The following FANCL variants were observed in gnomAD, a reference collection of about 807,000 sequenced individuals.
FANCL encodes the protein E3 ubiquitin-protein ligase FANCL.
A neutral mutation model predicts 59.4 loss-of-function variants in FANCL; 69 were observed. The observed-to-expected ratio is 1.16, with a 90% CI of 0.96 to 1.42. The LOEUF is 1.42. Among genes scored for constraint, FANCL ranks in the 40% most tolerant of loss-of-function variants. The pLI, the probability that FANCL is intolerant of heterozygous loss-of-function variation, is 0.00. For missense variants in FANCL, 519 were observed against 447.2 expected (o/e 1.16, Z -1.45); for synonymous variants, 180 against 147.1 (o/e 1.22, Z -1.62).
At chr2:58,162,808 G>C (rs764085319) in intron 11 of FANCL, 58 bp downstream of exon 11, 1 of 1,385,792 alleles carries the variant, frequency 7.2e-7, no homozygotes, top group Non-Finnish European at 1.0e-6. Context: ...ACTGAGAGAA[G>C]CATTTAAACT....
At chr2:58,219,862 C>A (rs1469887531) in intron 5 of FANCL, among the ~76,000 whole-genome samples, 1 of 152,116 alleles carries the variant, frequency 6.6e-6, no homozygotes, top group Admixed American at 6.5e-5. Context: ...AATAAAACTT[C>A]TTTCATGGCT....
At chr2:58,197,851 G>T (rs1464019990) in intron 7 of FANCL, among the ~76,000 whole-genome samples, 1 of 152,154 alleles carries the variant, frequency 6.6e-6, no homozygotes, top group Non-Finnish European at 1.5e-5. Flanking sequence ...AGGATTCTCT[G>T]ATATTATGTA....
intron 7 of FANCL, among the ~76,000 whole-genome samples, chr2:58,179,997 A>T (rs1243550863): frequency 5.9e-5 from 9 of 152,236 alleles, no homozygotes; most frequent in Admixed American, 3.9e-4. Flanking sequence ...GTCATTAGAA[A>T]AATGCAAATC....
At chr2:58,215,704 C>CA (rs11427269) in intron 5 of FANCL, among the ~76,000 whole-genome samples, 23,181 of 106,402 alleles carry the variant, frequency 0.22, 2,545 homozygotes, top group African/African-American at 0.37. Context: ...TATTAAGTGG[C>CA]AAAAAAAAAA....
chr2:58,185,909 A>C (rs1480600185), intron 7 of FANCL, among the ~76,000 whole-genome samples: 1 of 152,148 alleles, frequency 6.6e-6, no homozygotes, highest in Non-Finnish European at 1.5e-5. Context: ...ACTTAGGTCT[A>C]AACATTTTAA....
Position 58,204,200 on chromosome 2 carries a change from CTGAAGCAGGTATCCG to C in FANCL, c.386_400del (p.Ala129_Ser134delinsGly). 2 of 1,613,168 alleles carry C rather than the reference CTGAAGCAGGTATCCG, an allele frequency of 1.2e-6. No individual in the cohort carries two copies. The highest frequency in any genetic ancestry group is 1.7e-6 in the Non-Finnish European group (2 of 1,179,326). On this transcript the variant is annotated inframe_deletion, in exon 6 of 14. Transcript: ENST00000233741. ...ATCTTCTGCTTTTAACTTGATGGTA[CTGAAGCAGGTATCCG>C]CATACACAAGTCTGGTGAGCAGAGG... is the stretch of plus-strand genomic sequence containing the variant.
chr2:58,179,871 A>G (rs1480806830), intron 7 of FANCL, among the ~76,000 whole-genome samples: 1 of 152,180 alleles, frequency 6.6e-6, no homozygotes, highest in African/African-American at 2.4e-5. Context: ...AGGAACTTAA[A>G]TTTACAAGAA....
At chr2:58,165,561 A>G (rs1273221618) in intron 8 of FANCL, among the ~76,000 whole-genome samples, 163 bp downstream of exon 8, 2 of 152,184 alleles carry the variant, frequency 1.3e-5, no homozygotes, top group Non-Finnish European at 2.9e-5. Flanking sequence ...TTTCACCTAA[A>G]ATATTTACAT....
intron 1 of FANCL, among the ~76,000 whole-genome samples, 172 bp from the exon 2 acceptor site, chr2:58,232,284 G>C (rs1693657520): frequency 6.6e-6 from 1 of 151,974 alleles, no homozygotes; most frequent in Non-Finnish European, 1.5e-5. Flanking sequence ...TTGCATTTGA[G>C]GGAAAATAAC....
rs547080110 is a variant in FANCL at position 58,169,527 on chromosome 2, G to A, written c.541-3653C>T. 9.2e-5 allele frequency among the ~76,000 whole-genome samples: 14 copies of A among 152,094 alleles called. No individual in the cohort carries two copies. In the South Asian group the frequency reaches 2.5e-3, roughly 27 times the overall value. The stretch of plus-strand genomic sequence containing the variant: ...CGGATCACAACTCCTCGCCAGCAAG[G>A]GAACAAAACTGGACAGAGAATGAGT... On this transcript the variant is annotated intron_variant, in intron 7 of 13. Coordinates refer to ENST00000233741, the MANE Select transcript of FANCL (RefSeq NM_018062.4).
intron 13 of FANCL, 42 bp from the exon 14 acceptor site, chr2:58,159,842 C>T: frequency 6.2e-7 from 1 of 1,607,926 alleles, no homozygotes; most frequent in Non-Finnish European, 8.5e-7. Context: ...TGTGGACACT[C>T]TAAAAAATAA....
At chr2:58,169,234 T>G (rs1048074102) in intron 7 of FANCL, among the ~76,000 whole-genome samples, 6 of 152,190 alleles carry the variant, frequency 3.9e-5, no homozygotes, top group Admixed American at 2.0e-4. Context: ...TTTGCTGTTC[T>G]GCAACCTCCA....
intron 5 of FANCL, 104 bp downstream of exon 5, chr2:58,221,838 A>G (rs141362977): frequency 1.3e-6 from 1 of 775,060 alleles, no homozygotes; most frequent in African/African-American, 1.7e-5. Flanking sequence ...AGTTACAATT[A>G]AACACTTTGA....
rs775372392 is a variant in FANCL, at chr2:58,232,087, A to T, written c.122T>A (p.Val41Glu). The part of the protein sequence containing the change: ...AQGRDFHLRI[V>E]LPEDLQLKNA... ...CTTCAGTTGTAAATCTTCAGGCAAC[A>T]CTATCCTAAGGTGGAAGTCTCTTCC... The change falls in exon 2 of 14, where the codon GTG becomes GAG. Residue 41 changes from valine (V) to glutamate (E), a missense_variant. Val to Glu is a moderately radical substitution (Grantham distance 121). Coordinates refer to ENST00000233741, the MANE Select transcript of FANCL (RefSeq NM_018062.4). The T allele has an allele frequency of 1.9e-6, 3 of 1,613,420 alleles. No individual in the cohort carries two copies.
intron 5 of FANCL, among the ~76,000 whole-genome samples, chr2:58,218,896 T>C (rs1223567673): frequency 6.6e-6 from 1 of 151,574 alleles, no homozygotes; most frequent in Non-Finnish European, 1.5e-5. Flanking sequence ...TAAATGGTTA[T>C]ATACAAAAAC....
chr2:58,226,874 GA>G, intron 3 of FANCL, 90 bp from the exon 4 acceptor site: 3 of 1,073,538 alleles, frequency 2.8e-6, no homozygotes, highest in Non-Finnish European at 4.2e-6. Flanking sequence ...AAGTGAATGT[GA>G]AAAAAAGATT....
chr2:58,228,163 G>A (rs1046494909), intron 3 of FANCL, among the ~76,000 whole-genome samples: 5 of 151,966 alleles, frequency 3.3e-5, no homozygotes, highest in African/African-American at 1.2e-4. Context: ...AATGGAGACA[G>A]TCATTCATTA....
intron 7 of FANCL, among the ~76,000 whole-genome samples, chr2:58,172,195 C>G (rs1456772995): frequency 6.6e-6 from 1 of 152,240 alleles, no homozygotes; most frequent in East Asian, 1.9e-4. Context: ...AAAAAGACAG[C>G]AGTAACCTCT....
chr2:58,195,295 T>G (rs2105074817), intron 7 of FANCL, among the ~76,000 whole-genome samples: 1 of 152,152 alleles, frequency 6.6e-6, no homozygotes, highest in East Asian at 1.9e-4. Context: ...AAAGTCCTTA[T>G]GATATACAGC....
Sources: allele counts gnomAD v4.1 joint callset (sites outside exome capture counted in the v4.1 genomes callset), GRCh38; gene constraint gnomAD v4.1.1; transcripts MANE v1.5; gene names NCBI Gene and HGNC (gene_info 2026-07-23, HGNC 2026-07-21).